FIGNL2: variants seen among roughly 807,000 people sequenced by gnomAD.
FIGNL2 encodes the protein fidgetin like 2, also known as fidgetin-like protein 2.
For missense variants in FIGNL2, 1,060 were observed against 950.2 expected (o/e 1.12, Z -1.52); for synonymous variants, 565 against 484.0 (o/e 1.17, Z -2.20).
intron 1 of FIGNL2, among the ~76,000 whole-genome samples, chr12:51,837,589 C>T (rs893865932): frequency 6.6e-6 from 1 of 152,200 alleles, no homozygotes; most frequent in Non-Finnish European, 1.5e-5. Context: ...AATCACTTTT[C>T]CAGCTCTCCT....
intron 1 of FIGNL2, chr12:51,847,507 C>T (rs1939777140): frequency 1.0e-6 from 1 of 985,346 alleles, no homozygotes; most frequent in African/African-American, 1.7e-5. Context: ...ACAGGGCCGG[C>T]AGCCTGACAG....
At chr12:51,829,209 A>G (rs558033286) in intron 1 of FIGNL2, among the ~76,000 whole-genome samples, 1 of 152,228 alleles carries the variant, frequency 6.6e-6, no homozygotes, top group Non-Finnish European at 1.5e-5. Context: ...GGCCTCCCTT[A>G]TGGAAATCTC....
intron 1 of FIGNL2, chr12:51,847,919 C>T: frequency 1.2e-6 from 1 of 829,158 alleles, no homozygotes; most frequent in Non-Finnish European, 1.5e-6. Flanking sequence ...CCTCCTACAA[C>T]CCCCTGACTC....
chr12:51,823,307 C>T (rs1939266267), intron 1 of FIGNL2: 1 of 152,168 alleles, frequency 6.6e-6, no homozygotes, highest in Non-Finnish European at 1.5e-5. Context: ...GGATGTGGAC[C>T]ACAGATTTGT....
At chr12:51,826,662 A>T (rs894779795) in intron 1 of FIGNL2, among the ~76,000 whole-genome samples, 2 of 126,714 alleles carry the variant, frequency 1.6e-5, no homozygotes, top group Admixed American at 1.6e-4. Flanking sequence ...AAAAAAAAAA[A>T]ATCTAACCAG....
chr12:51,829,367 AC>A (rs911912870), intron 1 of FIGNL2, among the ~76,000 whole-genome samples: 8 of 151,804 alleles, frequency 5.3e-5, no homozygotes, highest in Admixed American at 5.2e-4. Context: ...CCTCATGCCA[AC>A]CCCCCAGTTA....
At chr12:51,830,727 A>C (rs982087581) in intron 1 of FIGNL2, among the ~76,000 whole-genome samples, 3 of 151,988 alleles carry the variant, frequency 2.0e-5, no homozygotes, top group Admixed American at 6.6e-5. Flanking sequence ...TCCTGACCTC[A>C]TGATTCGCCC....
At chr12:51,828,640 G>A (rs1208587711) in intron 1 of FIGNL2, among the ~76,000 whole-genome samples, 2 of 152,074 alleles carry the variant, frequency 1.3e-5, no homozygotes, top group African/African-American at 2.4e-5. Context: ...TGCTGCCCTC[G>A]GGTCCTGTGG....
chr12:51,833,955 G>A (rs755506474), intron 1 of FIGNL2, among the ~76,000 whole-genome samples: 2 of 150,150 alleles, frequency 1.3e-5, no homozygotes, highest in South Asian at 2.1e-4. Context: ...ACAGACGGAC[G>A]GATGGATGGA....
chr12:51,848,608 G>C lies in FIGNL2; in HGVS notation c.-80C>G. ...GGGCGCGTCCGGCCCGGGGACCGGG[G>C]CGGCGGCGCGGGCCGGGGGCGACAG... On this transcript the variant is annotated 5_prime_UTR_variant, in exon 1 of 2. Transcript: ENST00000618634. The C allele has an allele frequency of 1.1e-6, 1 of 887,076 alleles. No homozygotes were observed. Among genetic ancestry groups the C allele is most frequent in the Non-Finnish European group, 1.3e-6 (1 of 740,752 alleles). The allele number at this position is 887,076 out of a possible 1,614,324, so 55.0% of individuals were successfully genotyped here. A position where few individuals can be genotyped will look rare whatever the true frequency, so the allele number is the denominator to read the frequency against.
chr12:51,833,673 C>G (rs1338132360), intron 1 of FIGNL2, among the ~76,000 whole-genome samples: 2 of 152,198 alleles, frequency 1.3e-5, no homozygotes, highest in East Asian at 1.9e-4. Flanking sequence ...ACACACCTTC[C>G]CTGGGCTTGC....
intron 1 of FIGNL2, among the ~76,000 whole-genome samples, chr12:51,825,299 C>T (rs887064365): frequency 6.6e-6 from 1 of 152,152 alleles, no homozygotes; most frequent in Non-Finnish European, 1.5e-5. Flanking sequence ...GACTTGTCCA[C>T]ACACATCTTC....
intron 1 of FIGNL2, among the ~76,000 whole-genome samples, chr12:51,836,639 T>C (rs1464980170): frequency 1.3e-5 from 2 of 152,056 alleles, no homozygotes; most frequent in African/African-American, 4.8e-5. Flanking sequence ...ACACCCCAGT[T>C]AGAAATGCAG....
At chr12:51,834,915 T>A (rs1471062466) in intron 1 of FIGNL2, among the ~76,000 whole-genome samples, 4 of 152,216 alleles carry the variant, frequency 2.6e-5, no homozygotes, top group South Asian at 2.1e-4. Flanking sequence ...ATTCTCCCCA[T>A]TTTATAGAAG....
intron 1 of FIGNL2, chr12:51,831,662 C>T (rs1263107253): frequency 1.3e-5 from 2 of 153,818 alleles, no homozygotes; most frequent in African/African-American, 4.8e-5. Context: ...AAGGATGAAC[C>T]GAGGATGGGT....
intron 1 of FIGNL2, among the ~76,000 whole-genome samples, chr12:51,844,000 T>C (rs77005075): frequency 0.012 from 1,809 of 152,144 alleles, 38 homozygotes; most frequent in African/African-American, 0.042. Context: ...CTCACTCCTA[T>C]GCTAGAAGGT....
chr12:51,844,057 G>A (rs1164732562), intron 1 of FIGNL2, among the ~76,000 whole-genome samples: 1 of 152,106 alleles, frequency 6.6e-6, no homozygotes, highest in African/African-American at 2.4e-5. Context: ...GGGTCCCCAA[G>A]GTAGGCTTCA....
intron 1 of FIGNL2, among the ~76,000 whole-genome samples, chr12:51,826,633 C>T (rs1212369626): frequency 7.7e-5 from 4 of 52,118 alleles, no homozygotes; most frequent in African/African-American, 2.4e-4. Flanking sequence ...GAGCGAAACT[C>T]CCATCTCAAA....
chr12:51,847,402 C>T (rs1361508349), intron 1 of FIGNL2: 1 of 985,364 alleles, frequency 1.0e-6, no homozygotes, highest in Non-Finnish European at 1.2e-6. Flanking sequence ...CGCTGCCGGG[C>T]GGAAAGCAGG....
Sources: allele counts gnomAD v4.1 joint callset (sites outside exome capture counted in the v4.1 genomes callset), GRCh38; gene constraint gnomAD v4.1.1; transcripts MANE v1.5; gene names NCBI Gene and HGNC (gene_info 2026-07-23, HGNC 2026-07-21).